The following OLA1 variants were observed in gnomAD, a reference collection of about 807,000 sequenced individuals.
The protein encoded by OLA1 is Obg like ATPase 1, also known as obg-like ATPase 1.
A neutral mutation model predicts 48.4 loss-of-function variants in OLA1; 14 were observed. The ratio of observed to expected loss-of-function variants is 0.29; its 90% CI spans 0.19 to 0.45. OLA1 has a LOEUF of 0.45. Among genes scored for constraint, OLA1 ranks in the 20% least tolerant of loss-of-function variants. The probability of loss-of-function intolerance (pLI) is 1.00; values close to 1 mark genes in which losing one functional copy is unlikely to be tolerated. For missense variants in OLA1, 325 were observed against 467.1 expected (o/e 0.70, Z 2.80); for synonymous variants, 127 against 150.4 (o/e 0.84, Z 1.14).
intron 7 of OLA1, among the ~76,000 whole-genome samples, chr2:174,098,319 G>T (rs1257845621): frequency 6.6e-6 from 1 of 152,148 alleles, no homozygotes; most frequent in Non-Finnish European, 1.5e-5. Context: ...CTTTCTTAAA[G>T]AAATGTTTAT....
intron 4 of OLA1, 136 bp from the exon 5 acceptor site, chr2:174,142,136 T>C (rs1686467899): frequency 2.6e-6 from 2 of 758,862 alleles, no homozygotes; most frequent in Non-Finnish European, 4.1e-6. Flanking sequence ...AAGTAGGATA[T>C]AGCATTTTTC....
At chr2:174,077,929 A>C (rs1684783842) in intron 10 of OLA1, among the ~76,000 whole-genome samples, 1 of 151,954 alleles carries the variant, frequency 6.6e-6, no homozygotes, top group Non-Finnish European at 1.5e-5. Context: ...TTGCACACCT[A>C]CCTATATCTA....
chr2:174,245,939 T>C (rs928876145), intron 2 of OLA1, among the ~76,000 whole-genome samples: 1 of 151,452 alleles, frequency 6.6e-6, no homozygotes, highest in Non-Finnish European at 1.5e-5. Context: ...GTGTATAGAG[T>C]TATGATAAAC....
intron 1 of OLA1, chr2:174,247,621 C>G (rs777457730): frequency 1.3e-6 from 2 of 1,549,306 alleles, no homozygotes; most frequent in Admixed American, 3.9e-5. Context: ...GGAATCTTAT[C>G]TTTCCCATTC....
chr2:174,144,942 AAAAAAAAAAATATATATATATATAT>A (rs1686548374), intron 4 of OLA1, among the ~76,000 whole-genome samples: 1 of 75,834 alleles, frequency 1.3e-5, no homozygotes, highest in Non-Finnish European at 2.7e-5. Context: ...AAAAAAAAAA[AAAAAAAAAAATATATATATATATAT>A]ATATATATAT....
intron 4 of OLA1, among the ~76,000 whole-genome samples, chr2:174,183,837 C>A (rs1039424315): frequency 3.9e-5 from 6 of 152,208 alleles, no homozygotes; most frequent in African/African-American, 1.4e-4. Context: ...TACTCAATAT[C>A]TCTTCTCATT....
At chr2:174,209,337 T>C (rs1156874642) in intron 4 of OLA1, among the ~76,000 whole-genome samples, 1 of 152,194 alleles carries the variant, frequency 6.6e-6, no homozygotes, top group Admixed American at 6.5e-5. Context: ...AGAGCTTCTA[T>C]CCCTCTCTGA....
chr2:174,247,012 G>A, intron 1 of OLA1, 197 bp from the exon 2 acceptor site: 1 of 369,448 alleles, frequency 2.7e-6, no homozygotes. Context: ...AAACATATCC[G>A]TTGTCAAAAG....
At chr2:174,180,629 C>A (rs1574532513) in intron 4 of OLA1, among the ~76,000 whole-genome samples, 1 of 152,308 alleles carries the variant, frequency 6.6e-6, no homozygotes, top group African/African-American at 2.4e-5. Flanking sequence ...TTCTAAGTAT[C>A]CACTGTCCTG....
chr2:174,103,064 A>G (rs1685432933), intron 7 of OLA1, among the ~76,000 whole-genome samples: 1 of 152,134 alleles, frequency 6.6e-6, no homozygotes, highest in Non-Finnish European at 1.5e-5. Flanking sequence ...CTAAGATCGG[A>G]GAAATAACAT....
intron 9 of OLA1, chr2:174,079,333 A>G: frequency 3.4e-6 from 1 of 295,042 alleles, no homozygotes; most frequent in East Asian, 5.7e-5. Flanking sequence ...CCACTGTTTT[A>G]TTGATTTAGA....
At chr2:174,108,065 T>C (rs1685554321) in intron 7 of OLA1, among the ~76,000 whole-genome samples, 1 of 152,074 alleles carries the variant, frequency 6.6e-6, no homozygotes, top group Non-Finnish European at 1.5e-5. Flanking sequence ...TAAGAGAAAA[T>C]AGTGACTGCA....
intron 4 of OLA1, among the ~76,000 whole-genome samples, chr2:174,178,519 G>C (rs1687467892): frequency 6.6e-6 from 1 of 151,838 alleles, no homozygotes; most frequent in Non-Finnish European, 1.5e-5. Flanking sequence ...AAAAAATATA[G>C]TAAACTTACT....
In OLA1 at chr2:174,075,262, G is replaced by C. The variant is rs547488154; in HGVS notation, c.*164C>G. 5.6e-5 allele frequency: 29 copies of C among 518,716 alleles called. 1 individual carries two copies. Among genetic ancestry groups the C allele is most frequent in the African/African-American group, 3.3e-4 (16 of 48,992 alleles). The allele number at this position is 518,716 out of a possible 1,614,324, so 32.1% of individuals were successfully genotyped here. A position where few individuals can be genotyped will look rare whatever the true frequency, so the allele number is the denominator to read the frequency against. ...GTGAACCTGCATTTCATGGGGGGGG[G>C]GGGGTACACAGTATTTTAATTTTAA... On this transcript the variant is annotated 3_prime_UTR_variant, in exon 11 of 11. Transcript: ENST00000284719.
chr2:174,228,437 T>C (rs1688659503), intron 3 of OLA1, among the ~76,000 whole-genome samples: 1 of 152,024 alleles, frequency 6.6e-6, no homozygotes, highest in South Asian at 2.1e-4. Context: ...AGTCAGGAAA[T>C]TATGGAAGGA....
chr2:174,072,754 T>C lies in OLA1; in HGVS notation c.*2672A>G, dbSNP rs897237616. ...AACTGGAATTTTAATATAGGAATAT[T>C]GATGAATCATGAGTAAGGGGACTTA... On this transcript the variant is annotated 3_prime_UTR_variant, in exon 11 of 11. Transcript: ENST00000284719. 1 of 152,182 alleles carries C rather than the reference T, an allele frequency of 6.6e-6. No homozygotes were observed. Among genetic ancestry groups the C allele is most frequent in the Admixed American group, 6.5e-5 (1 of 15,280 alleles). 9.4% of individuals were successfully genotyped at this position (152,182 alleles called of 1,614,324 possible).
chr2:174,136,331 CAACT>C (rs1427894091), intron 5 of OLA1, among the ~76,000 whole-genome samples: 1 of 152,216 alleles, frequency 6.6e-6, no homozygotes. Flanking sequence ...ACTGCCTTAC[CAACT>C]AAGTGTATGT....
chr2:174,116,179 A>G (rs548281674), intron 7 of OLA1, among the ~76,000 whole-genome samples: 10 of 152,374 alleles, frequency 6.6e-5, no homozygotes, highest in Non-Finnish European at 1.3e-4. Context: ...AGCCTTATAT[A>G]AACAGGAGTA....
chr2:174,201,447 C>T (rs926171119), intron 4 of OLA1, among the ~76,000 whole-genome samples: 19 of 152,150 alleles, frequency 1.2e-4, no homozygotes, highest in Non-Finnish European at 2.8e-4. Context: ...GAGTGATCCT[C>T]CCACCTCAGT....
Sources: gnomAD v4.1 joint callset for allele counts (sites outside exome capture counted in the v4.1 genomes callset) on GRCh38, gnomAD v4.1.1 for gene constraint, MANE v1.5 for transcripts, NCBI Gene and HGNC (gene_info 2026-07-23, HGNC 2026-07-21) for gene names.